ZNF527: variants seen among roughly 807,000 people sequenced by gnomAD.
ZNF527 encodes zinc finger protein 527.
In ZNF527, 5 loss-of-function variants were observed where a neutral mutation model predicts 13.5. The ratio of observed to expected loss-of-function variants is 0.37; its 90% CI spans 0.19 to 0.78. The LOEUF (loss-of-function observed/expected upper bound fraction) is 0.78. Among genes scored for constraint, ZNF527 ranks in the 30% least tolerant of loss-of-function variants. The pLI is 0.48. For missense variants in ZNF527, 628 were observed against 726.4 expected (o/e 0.86, Z 1.56); for synonymous variants, 209 against 243.1 (o/e 0.86, Z 1.30).
chr19:37,390,034 C>CAT lies in ZNF527; in HGVS notation c.*155_*156insAT. 1.3e-6 allele frequency: 1 copy of CAT among 752,718 alleles called. No individual in the cohort carries two copies. The highest frequency in any genetic ancestry group is 1.9e-6 in the Non-Finnish European group (1 of 523,094). The allele number at this position is 752,718 out of a possible 1,614,324, so 46.6% of individuals were successfully genotyped here. On this transcript the variant is annotated 3_prime_UTR_variant, in exon 5 of 5. Transcript: ENST00000436120. ...GTAGCTCAGTAGTAGACATCTGTTACTTTTTTTTTTTTCAGACAGAGTCTC... is the reference window on the plus strand; with the variant it reads ...GTAGCTCAGTAGTAGACATCTGTTACATTTTTTTTTTTTTCAGACAGAGTCTC...
intron 4 of ZNF527, among the ~76,000 whole-genome samples, chr19:37,386,198 T>G (rs1453607101): frequency 1.4e-5 from 2 of 140,918 alleles, no homozygotes; most frequent in Non-Finnish European, 3.0e-5. Context: ...GCTGGAATGC[T>G]GTGGCGTGAT....
intron 2 of ZNF527, 62 bp downstream of exon 2, chr19:37,374,293 C>T: frequency 6.4e-7 from 1 of 1,556,990 alleles, no homozygotes; most frequent in Non-Finnish European, 8.8e-7. Context: ...ACTTTGGGAC[C>T]ACAGGGAAAA....
In ZNF527 at chr19:37,388,413, G is replaced by A; in HGVS notation, c.364G>A (p.Glu122Lys). The change falls in exon 5 of 5, where the codon GAA becomes AAA. Residue 122 changes from glutamate to lysine, a missense_variant. This residue lies in a region of ZNF527 where 592 missense variants were observed against 678.0 expected (regional missense o/e 0.87). Transcript: ENST00000436120. ...VMERLASHGL[E>K]CSSFREAWKY... ...GGAAAGGCTAGCAAGTCATGGCCTTGAATGCTCCAGTTTCAGAGAAGCCTG... is the reference window on the plus strand; with the variant it reads ...GGAAAGGCTAGCAAGTCATGGCCTTAAATGCTCCAGTTTCAGAGAAGCCTG... The A allele has an allele frequency of 6.2e-7, 1 of 1,614,132 alleles. No homozygotes were observed. Among genetic ancestry groups the A allele is most frequent in the East Asian group, 2.2e-5 (1 of 44,864 alleles).
chr19:37,386,800 G>T (rs1423138156), intron 4 of ZNF527, among the ~76,000 whole-genome samples: 1 of 152,140 alleles, frequency 6.6e-6, no homozygotes, highest in Non-Finnish European at 1.5e-5. Flanking sequence ...TCTGCTATTT[G>T]CCTGGAGTAA....
intron 4 of ZNF527, chr19:37,384,922 A>G (rs970645653): frequency 1.4e-6 from 1 of 701,808 alleles, no homozygotes. Flanking sequence ...GGCTCACTGC[A>G]GCCTATACCT....
chr19:37,389,920 A>T lies in ZNF527; in HGVS notation c.*41A>T. On this transcript the variant is annotated 3_prime_UTR_variant, in exon 5 of 5. Transcript: ENST00000436120. ...GAAAGAAAACATGTGGTTACCACTC[A>T]ATCCTTATTAAATATTAGTGAGTTC... 6.6e-7 allele frequency: 1 copy of T among 1,518,764 alleles called. No individual in the cohort carries two copies. Among genetic ancestry groups the T allele is most frequent in the East Asian group, 2.3e-5 (1 of 44,238 alleles). 94.1% of individuals were successfully genotyped at this position (1,518,764 alleles called of 1,614,324 possible). A position where few individuals can be genotyped will look rare whatever the true frequency, so the allele number is the denominator to read the frequency against.
intron 4 of ZNF527, chr19:37,385,155 T>A: frequency 2.2e-6 from 1 of 464,560 alleles, no homozygotes; most frequent in Non-Finnish European, 3.8e-6. Context: ...CTTACTGATT[T>A]GTAGTAGAAC....
At chr19:37,386,140 CTTTTTTT>C (rs1050024983) in intron 4 of ZNF527, among the ~76,000 whole-genome samples, 3 of 72,456 alleles carry the variant, frequency 4.1e-5, no homozygotes, top group Admixed American at 2.1e-4. Flanking sequence ...TCTTCTTTTC[CTTTTTTT>C]TTTTTTTTTT....
intron 1 of ZNF527, among the ~76,000 whole-genome samples, chr19:37,373,355 A>G (rs1043138120): frequency 6.6e-6 from 1 of 152,236 alleles, no homozygotes; most frequent in Non-Finnish European, 1.5e-5. Context: ...TGTGAGGCAC[A>G]GGAAGATTAA....
Position 37,380,346 on chromosome 19 carries a change from GAA to G in ZNF527, c.232_233del (p.Lys78AspfsTer14), listed in dbSNP as rs1455809244. The G allele has an allele frequency of 5.6e-6, 9 of 1,613,936 alleles. No homozygotes were observed. The Admixed American group carries it at 1.5e-4, about 27-fold the overall frequency. On this transcript the variant is annotated frameshift_variant, in exon 4 of 5. Transcript: ENST00000436120. LOFTEE classifies it low-confidence loss of function (END_TRUNC). ...GGGAAGGAACCGTGGATGGTGGAGAGAAAGATGTCACAGGGTCACTGTGCAGG... is the reference window on the plus strand; with the variant it reads ...GGGAAGGAACCGTGGATGGTGGAGAGAGATGTCACAGGGTCACTGTGCAGG...
Position 37,371,143 on chromosome 19 carries a change from C to G in ZNF527, c.-125C>G, listed in dbSNP as rs577804624. The stretch of plus-strand genomic sequence containing the variant: ...GTCCTGCATGCCTCAGTCCTCGCCT[C>G]GCTCCTCCTCGCGGAGGATTCTGGG... On this transcript the variant is annotated 5_prime_UTR_variant, in exon 1 of 5. Transcript: ENST00000436120. 6.5e-6 allele frequency: 1 copy of G among 152,682 alleles called. No homozygotes were observed. The highest frequency in any genetic ancestry group is 1.5e-5 in the Non-Finnish European group (1 of 68,086). The allele number at this position is 152,682 out of a possible 1,614,324, so 9.5% of individuals were successfully genotyped here. A position where few individuals can be genotyped will look rare whatever the true frequency, so the allele number is the denominator to read the frequency against.
chr19:37,388,515 A>G lies in ZNF527; in HGVS notation c.466A>G (p.Ile156Val), dbSNP rs569947453. The G allele has an allele frequency of 1.2e-5, 19 of 1,614,180 alleles. No homozygotes were observed. In the South Asian group the frequency reaches 2.1e-4, roughly 18 times the overall value. Residue 156 changes from isoleucine (I) to valine (V), a missense_variant, in exon 5 of 5, where the codon ATC (isoleucine) becomes GTC (valine). Coordinates refer to ENST00000436120, the MANE Select transcript of ZNF527 (RefSeq NM_032453.2). The part of the protein sequence containing the change: ...HFMQVTAVKE[I>V]STGKRDNEFS... ...CATGCAAGTGACAGCTGTTAAGGAAATCTCTACTGGGAAAAGAGACAATGA... is the reference window on the plus strand; with the variant it reads ...CATGCAAGTGACAGCTGTTAAGGAAGTCTCTACTGGGAAAAGAGACAATGA...
chr19:37,378,441 A>C (rs1475227711), intron 2 of ZNF527, among the ~76,000 whole-genome samples: 1 of 152,190 alleles, frequency 6.6e-6, no homozygotes, highest in Non-Finnish European at 1.5e-5. Flanking sequence ...AGGAAACTTC[A>C]CCATTTATTC....
chr19:37,374,017 C>G (rs2040579727), intron 1 of ZNF527, 141 bp from the exon 2 acceptor site: 1 of 496,284 alleles, frequency 2.0e-6, no homozygotes, highest in Non-Finnish European at 3.4e-6. Context: ...TGGATTCCAC[C>G]CCGCCACCCT....
At chr19:37,387,753 C>T (rs1418245808) in intron 4 of ZNF527, among the ~76,000 whole-genome samples, 1 of 152,036 alleles carries the variant, frequency 6.6e-6, no homozygotes, top group African/African-American at 2.4e-5. Context: ...TTTTCCTGGA[C>T]CCTGATAAAA....
chr19:37,372,290 C>T (rs755174141), intron 1 of ZNF527, among the ~76,000 whole-genome samples: 1 of 151,662 alleles, frequency 6.6e-6, no homozygotes, highest in Non-Finnish European at 1.5e-5. Context: ...TGAGGCGCTG[C>T]GCCCTGCTGC....
chr19:37,375,317 T>TTCTTTCTTTTCTC (rs1568691594), intron 2 of ZNF527, among the ~76,000 whole-genome samples: 2 of 146,172 alleles, frequency 1.4e-5, no homozygotes, highest in Non-Finnish European at 1.5e-5. Context: ...TTTCTTTTCT[T>TTCTTTCTTTTCTC]TCTTTCTTTC....
rs1432758240 is a variant in ZNF527, at chr19:37,390,088, G to A, written c.*209G>A. On this transcript the variant is annotated 3_prime_UTR_variant, in exon 5 of 5. Coordinates refer to ENST00000436120, the MANE Select transcript of ZNF527 (RefSeq NM_032453.2). ...CTGTTGCCCAGGCTGGAGTGCAGTG[G>A]TGTAATCTTGGCTCACTGCAGCCTC... 1 of 491,142 alleles carries A rather than the reference G, an allele frequency of 2.0e-6. No homozygotes were observed. The highest frequency in any genetic ancestry group is 4.2e-5 in the East Asian group (1 of 24,000). The allele number at this position is 491,142 out of a possible 1,614,324, so 30.4% of individuals were successfully genotyped here. A position where few individuals can be genotyped will look rare whatever the true frequency, so the allele number is the denominator to read the frequency against.
chr19:37,381,544 C>G (rs1438147296), intron 4 of ZNF527, among the ~76,000 whole-genome samples: 1 of 152,152 alleles, frequency 6.6e-6, no homozygotes, highest in Non-Finnish European at 1.5e-5. Context: ...ATCGATATGT[C>G]TTATTATCGG....
Sources: gnomAD v4.1 joint callset for allele counts (sites outside exome capture counted in the v4.1 genomes callset) on GRCh38, gnomAD v4.1.1 for gene constraint, gnomAD v4.1.1 regional missense constraint, MANE v1.5 for transcripts, NCBI Gene and HGNC (gene_info 2026-07-23, HGNC 2026-07-21) for gene names.